SH3RF2: variants seen among roughly 807,000 people sequenced by gnomAD.
SH3RF2 encodes the protein E3 ubiquitin-protein ligase SH3RF2.
A neutral mutation model predicts 59.0 loss-of-function variants in SH3RF2; 43 were observed. The observed-to-expected ratio is 0.73, with a 90% CI of 0.57 to 0.94. SH3RF2 has a LOEUF of 0.94. Ranked by LOEUF, SH3RF2 falls within the 40% of genes least tolerant of loss-of-function variation. The probability of loss-of-function intolerance (pLI) is 0.00; values close to 1 mark genes in which losing one functional copy is unlikely to be tolerated. For synonymous variants in SH3RF2, 391 were observed against 391.5 expected (o/e 1.00, Z 0.01); for missense variants, 930 against 940.1 (o/e 0.99, Z 0.14).
chr5:146,015,445 C>A lies in SH3RF2; in HGVS notation c.1059+1384C>A, dbSNP rs574636103. Among the ~76,000 whole-genome samples the A allele has an allele frequency of 3.0e-4, 46 of 152,270 alleles. 1 individual carries two copies. The highest frequency in any genetic ancestry group is 4.6e-4 in the Non-Finnish European group (31 of 68,016). On this transcript the variant is annotated intron_variant, in intron 5 of 9. Coordinates refer to ENST00000359120, the MANE Select transcript of SH3RF2 (RefSeq NM_152550.4). ...TAATAGATGCTTTATGCCCAAAGTT[C>A]TCCTTCACACACACACACACAAACA...
intron 2 of SH3RF2, among the ~76,000 whole-genome samples, chr5:145,990,959 A>G (rs553554196): frequency 5.9e-5 from 9 of 152,342 alleles, no homozygotes; most frequent in African/African-American, 2.2e-4. Context: ...GAGACTGGAT[A>G]GAATCAACCA....
At chr5:146,026,644 G>A (rs77760138) in intron 5 of SH3RF2, among the ~76,000 whole-genome samples, 2,350 of 152,220 alleles carry the variant, frequency 0.015, 61 homozygotes, top group African/African-American at 0.053. Context: ...GTCAGGCCCC[G>A]CAGGTATTGG....
intron 2 of SH3RF2, among the ~76,000 whole-genome samples, chr5:145,971,762 A>G (rs1312167474): frequency 2.6e-5 from 4 of 152,254 alleles, no homozygotes; most frequent in African/African-American, 9.6e-5. Context: ...TAACCCTAGC[A>G]GAGTATTGGT....
exon 10 of SH3RF2, chr5:146,081,377 C>A (rs903082026): frequency 6.6e-6 from 1 of 151,952 alleles, no homozygotes; most frequent in Non-Finnish European, 1.5e-5. Context: ...TTTCTACCAT[C>A]GGTTTTCAAA....
chr5:146,053,212 C>T (rs1425407323), intron 7 of SH3RF2, among the ~76,000 whole-genome samples: 1 of 152,180 alleles, frequency 6.6e-6, no homozygotes, highest in African/African-American at 2.4e-5. Context: ...TGTGGTCCAG[C>T]CCTCGGTGCT....
chr5:146,056,354 T>G, intron 8 of SH3RF2, 141 bp downstream of exon 8: 1 of 1,342,118 alleles, frequency 7.5e-7, no homozygotes, highest in Non-Finnish European at 1.0e-6. Flanking sequence ...AATTCCCAAA[T>G]GATGAGTTTT....
At chr5:146,069,061 A>G (rs543893474) in intron 9 of SH3RF2, among the ~76,000 whole-genome samples, 22 of 152,176 alleles carry the variant, frequency 1.4e-4, no homozygotes, top group Non-Finnish European at 3.1e-4. Context: ...TCTCCCACAC[A>G]TATACCATAT....
intron 5 of SH3RF2, among the ~76,000 whole-genome samples, chr5:146,032,455 G>A (rs535921684): frequency 1.4e-4 from 22 of 152,258 alleles, no homozygotes; most frequent in African/African-American, 4.8e-4. Context: ...TAAAGCCAGG[G>A]GAAGGGGCTT....
intron 2 of SH3RF2, among the ~76,000 whole-genome samples, chr5:145,947,543 G>T (rs753782214): frequency 2.0e-4 from 31 of 152,294 alleles, no homozygotes; most frequent in Middle Eastern, 3.4e-3. Context: ...CCTCCAGGTA[G>T]GTTTCTCTTT....
chr5:145,986,738 T>C (rs1759723084), intron 2 of SH3RF2, among the ~76,000 whole-genome samples: 1 of 152,174 alleles, frequency 6.6e-6, no homozygotes, highest in African/African-American at 2.4e-5. Flanking sequence ...TAGACATATC[T>C]TGGATTACCT....
chr5:146,056,268 C>A (rs764855545), intron 8 of SH3RF2, 55 bp downstream of exon 8: 2 of 1,611,356 alleles, frequency 1.2e-6, no homozygotes, highest in Non-Finnish European at 1.7e-6. Context: ...GGGAATCTGA[C>A]CCAGGGGTAC....
At chr5:146,057,968 C>CTATATATATATATATATATA (rs1356931578) in intron 8 of SH3RF2, among the ~76,000 whole-genome samples, 1 of 71,730 alleles carries the variant, frequency 1.4e-5, no homozygotes, top group African/African-American at 3.7e-5. Context: ...CTCTCTCTCT[C>CTATATATATATATATATATA]TATCTATCTA....
chr5:145,963,333 A>C (rs1253959352), intron 2 of SH3RF2, among the ~76,000 whole-genome samples: 1 of 152,016 alleles, frequency 6.6e-6, no homozygotes. Flanking sequence ...TTCTGACATA[A>C]ACCTTCCCCT....
At chr5:145,980,409 C>T (rs1003386747) in intron 2 of SH3RF2, among the ~76,000 whole-genome samples, 1 of 152,136 alleles carries the variant, frequency 6.6e-6, no homozygotes. Context: ...ATGAATCTTT[C>T]CCATGACAGT....
intron 2 of SH3RF2, among the ~76,000 whole-genome samples, chr5:145,964,692 A>T (rs970737060): frequency 2.6e-5 from 4 of 152,150 alleles, no homozygotes; most frequent in African/African-American, 7.2e-5. Context: ...TACAGCAAAA[A>T]TGAGAGGTGA....
At chr5:145,960,262 C>CATAAA (rs749263104) in intron 2 of SH3RF2, among the ~76,000 whole-genome samples, 7 of 152,118 alleles carry the variant, frequency 4.6e-5, no homozygotes, top group African/African-American at 7.2e-5. Context: ...CCTACCTAAA[C>CATAAA]TTATAAGCTG....
At chr5:146,036,049 G>T (rs2962519) in intron 5 of SH3RF2, among the ~76,000 whole-genome samples, 88,197 of 152,032 alleles carry the variant, frequency 0.58, 26,263 homozygotes, top group Middle Eastern at 0.8. Flanking sequence ...AATGAGGCCT[G>T]GTGAGAGGAT....
chr5:146,007,097 C>T (rs1760677037), intron 4 of SH3RF2, among the ~76,000 whole-genome samples: 1 of 152,200 alleles, frequency 6.6e-6, no homozygotes, highest in South Asian at 2.1e-4. Context: ...GTATCATTGC[C>T]TCTGCCATAT....
intron 8 of SH3RF2, among the ~76,000 whole-genome samples, chr5:146,056,883 T>C (rs1762690416): frequency 6.6e-6 from 1 of 152,184 alleles, no homozygotes; most frequent in Non-Finnish European, 1.5e-5. Flanking sequence ...ATTGCACACA[T>C]GGCAGTACAT....
Sources: allele counts gnomAD v4.1 joint callset (sites outside exome capture counted in the v4.1 genomes callset), GRCh38; gene constraint gnomAD v4.1.1; transcripts MANE v1.5; gene names NCBI Gene and HGNC (gene_info 2026-07-23, HGNC 2026-07-21).